Variants in GLIS3 observed in about 807,000 individuals in gnomAD.
The protein encoded by GLIS3 is GLIS family zinc finger 3, also known as zinc finger protein GLIS3.
GLIS3 carries 53 observed loss-of-function variants against 78.6 expected under a neutral mutation model. The ratio of observed to expected loss-of-function variants is 0.67; its 90% CI spans 0.54 to 0.85. The LOEUF (loss-of-function observed/expected upper bound fraction) is 0.85, where lower values mean the gene tolerates loss of function less well. GLIS3 is among the 40% of genes least tolerant of loss of function. The pLI, the probability that GLIS3 is intolerant of heterozygous loss-of-function variation, is 0.00. For synonymous variants in GLIS3, 684 were observed against 509.9 expected (o/e 1.34, Z -4.60); for missense variants, 1,703 against 1,231.1 (o/e 1.38, Z -5.74).
intron 4 of GLIS3, among the ~76,000 whole-genome samples, chr9:4,023,347 C>G (rs186904857): frequency 6.6e-6 from 1 of 152,094 alleles, no homozygotes; most frequent in African/African-American, 2.4e-5. Context: ...TAAACAAAAC[C>G]CCATTCTGCT....
intron 4 of GLIS3, among the ~76,000 whole-genome samples, chr9:3,940,324 T>G (rs1014232649): frequency 1.3e-5 from 2 of 152,310 alleles, no homozygotes; most frequent in East Asian, 3.9e-4. Flanking sequence ...TGTCTCACTT[T>G]GTAAACTGAC....
chr9:4,278,554 A>G (rs1384990225), intron 2 of GLIS3, among the ~76,000 whole-genome samples: 1 of 152,216 alleles, frequency 6.6e-6, no homozygotes, highest in Non-Finnish European at 1.5e-5. Flanking sequence ...AAAATCCATG[A>G]GTGATTCTGT....
chr9:4,279,787 A>T (rs1827384227), intron 2 of GLIS3, among the ~76,000 whole-genome samples: 2 of 151,848 alleles, frequency 1.3e-5, no homozygotes, highest in Non-Finnish European at 2.9e-5. Context: ...TTCCTGTATC[A>T]TTCCTTTACT....
chr9:4,374,669 G>A, the GLIS3 span, among the ~76,000 whole-genome samples: 5 of 152,252 alleles, frequency 3.3e-5, no homozygotes, highest in Non-Finnish European at 7.3e-5. Flanking sequence ...GGAAGAGAAT[G>A]AGACCTAAGT....
At chr9:4,267,175 A>G (rs1826092801) in intron 2 of GLIS3, among the ~76,000 whole-genome samples, 1 of 152,134 alleles carries the variant, frequency 6.6e-6, no homozygotes, top group Admixed American at 6.5e-5. Flanking sequence ...TTAACCTTAT[A>G]GGGTTTCCTA....
intron 4 of GLIS3, among the ~76,000 whole-genome samples, chr9:3,939,890 T>C (rs1277937479): frequency 6.6e-6 from 1 of 152,176 alleles, no homozygotes; most frequent in African/African-American, 2.4e-5. Context: ...CACTAAAGGA[T>C]TGATAAATGC....
At chr9:4,354,491 A>G in the GLIS3 span, among the ~76,000 whole-genome samples, 1 of 152,080 alleles carries the variant, frequency 6.6e-6, no homozygotes, top group African/African-American at 2.4e-5. Flanking sequence ...CTCACTTTCT[A>G]TAGACTATAT....
chr9:4,078,316 C>T (rs1381884387), intron 4 of GLIS3, among the ~76,000 whole-genome samples: 1 of 152,176 alleles, frequency 6.6e-6, no homozygotes, highest in Non-Finnish European at 1.5e-5. Context: ...TGCCTGGCCC[C>T]ATTCCACCAG....
At chr9:3,871,287 C>T (rs187043414) in intron 8 of GLIS3, among the ~76,000 whole-genome samples, 9 of 152,276 alleles carry the variant, frequency 5.9e-5, no homozygotes, top group South Asian at 2.1e-4. Context: ...CTTTTGCAGG[C>T]GCACAGTGCA....
intron 2 of GLIS3, among the ~76,000 whole-genome samples, chr9:4,322,203 T>C (rs1387849931): frequency 6.6e-6 from 1 of 152,210 alleles, no homozygotes; most frequent in African/African-American, 2.4e-5. Flanking sequence ...ACAAAGGACA[T>C]GAACTCATCC....
Position 3,825,100 on chromosome 9 carries a change from G to C in GLIS3, c.*3172C>G, listed in dbSNP as rs568551309. The C allele has an allele frequency of 4.5e-4, 68 of 152,294 alleles. No individual in the cohort carries two copies. Among genetic ancestry groups the C allele is most frequent in the African/African-American group, 1.4e-3 (58 of 41,568 alleles). The allele number at this position is 152,294 out of a possible 1,614,324, so 9.4% of individuals were successfully genotyped here. On this transcript the variant is annotated 3_prime_UTR_variant, in exon 11 of 11. Transcript: ENST00000381971. ...GGCAACTGGAAAGTCAAGGTTCTCA[G>C]ATGAGGGAGTTGAATTTATCCTTGC...
intron 2 of GLIS3, among the ~76,000 whole-genome samples, chr9:4,314,615 T>G (rs1351950398): frequency 6.6e-6 from 1 of 152,212 alleles, no homozygotes; most frequent in Non-Finnish European, 1.5e-5. Context: ...TACGGAATCT[T>G]TCATATCTTC....
At chr9:3,892,117 GA>G in intron 7 of GLIS3, among the ~76,000 whole-genome samples, 1 of 152,096 alleles carries the variant, frequency 6.6e-6, no homozygotes, top group African/African-American at 2.4e-5. Context: ...ACTCAACTCT[GA>G]AATCCAGGGC....
chr9:4,373,475 T>C, the GLIS3 span, among the ~76,000 whole-genome samples: 771 of 152,282 alleles, frequency 5.1e-3, 6 homozygotes, highest in South Asian at 0.022. Context: ...GGGAACAAAC[T>C]GCTCTGGGGG....
intron 4 of GLIS3, among the ~76,000 whole-genome samples, chr9:4,075,099 C>CA (rs1221457323): frequency 8.6e-4 from 37 of 42,964 alleles, no homozygotes; most frequent in Admixed American, 1.9e-3. Context: ...TGAACAACAA[C>CA]ACAACAACAA....
chr9:4,299,855 T>G lies in GLIS3; in HGVS notation c.-533A>C, dbSNP rs1816963846. ...CGACCCCGGGATGCTGGCTAATTGCTGCCGGCGGGTTCCGTCGCCGGTGTG... is the reference window on the plus strand; with the variant it reads ...CGACCCCGGGATGCTGGCTAATTGCGGCCGGCGGGTTCCGTCGCCGGTGTG... On this transcript the variant is annotated 5_prime_UTR_variant, in exon 1 of 11. Coordinates refer to ENST00000381971, the MANE Select transcript of GLIS3 (RefSeq NM_001042413.2). 1 of 152,308 alleles carries G rather than the reference T, an allele frequency of 6.6e-6. No homozygotes were observed. The highest frequency in any genetic ancestry group is 2.4e-5 in the African/African-American group (1 of 41,434). 9.4% of individuals were successfully genotyped at this position (152,308 alleles called of 1,614,324 possible).
chr9:3,897,619 A>G (rs924534507), intron 7 of GLIS3, among the ~76,000 whole-genome samples: 22 of 152,316 alleles, frequency 1.4e-4, no homozygotes, highest in African/African-American at 4.8e-4. Flanking sequence ...GTAAGTGCTT[A>G]AAGCAACTGA....
intron 2 of GLIS3, among the ~76,000 whole-genome samples, chr9:4,176,046 G>T (rs1021473506): frequency 6.6e-6 from 1 of 152,168 alleles, no homozygotes; most frequent in South Asian, 2.1e-4. Context: ...CTGCAAGTGT[G>T]CCAAATGACA....
intron 7 of GLIS3, among the ~76,000 whole-genome samples, chr9:3,886,020 A>G (rs989149372): frequency 3.3e-5 from 5 of 152,248 alleles, no homozygotes; most frequent in African/African-American, 1.2e-4. Flanking sequence ...CACTGAGCAT[A>G]TGCCTGAACG....
Sources: gnomAD v4.1 joint callset for allele counts (sites outside exome capture counted in the v4.1 genomes callset) on GRCh38, gnomAD v4.1.1 for gene constraint, MANE v1.5 for transcripts, NCBI Gene and HGNC (gene_info 2026-07-23, HGNC 2026-07-21) for gene names.